The following PHTF1 variants were observed in gnomAD, a reference collection of about 807,000 sequenced individuals.
PHTF1 encodes the protein putative homeodomain transcription factor 1, also known as protein PHTF1.
Under a neutral mutation model 102.4 loss-of-function variants are expected in PHTF1, and 88 were observed. That is an observed-to-expected ratio of 0.86 (90% CI 0.72 to 1.03). The LOEUF (loss-of-function observed/expected upper bound fraction) is 1.03. Ranked by LOEUF, PHTF1 falls within the 50% of genes least tolerant of loss-of-function variation. PHTF1 has a pLI of 0.00. For missense variants in PHTF1, 814 were observed against 909.5 expected (o/e 0.89, Z 1.35); for synonymous variants, 289 against 305.2 (o/e 0.95, Z 0.55).
intron 11 of PHTF1, 32 bp from the exon 12 acceptor site, chr1:113,706,754 C>G (rs1462777081): frequency 6.5e-7 from 1 of 1,539,012 alleles, no homozygotes. Flanking sequence ...TGTTTCTATC[C>G]ATGCCCTCTT....
intron 5 of PHTF1, among the ~76,000 whole-genome samples, chr1:113,731,356 G>A (rs545835146): frequency 6.6e-6 from 1 of 151,492 alleles, no homozygotes; most frequent in African/African-American, 2.4e-5. Flanking sequence ...AATATAGCGA[G>A]AGCCCATCTC....
chr1:113,726,236 A>C (rs1653810913), intron 6 of PHTF1, among the ~76,000 whole-genome samples, 182 bp downstream of exon 6: 1 of 152,184 alleles, frequency 6.6e-6, no homozygotes, highest in Non-Finnish European at 1.5e-5. Flanking sequence ...CTGGAACTAA[A>C]AGTTTGTAAC....
chr1:113,750,597 G>A (rs1008128467), intron 3 of PHTF1, among the ~76,000 whole-genome samples: 5 of 152,032 alleles, frequency 3.3e-5, no homozygotes, highest in African/African-American at 1.2e-4. Flanking sequence ...GGTGGCTCAC[G>A]CCTGTAATCC....
chr1:113,706,851 C>CTTTTTTTT (rs11363653), intron 11 of PHTF1, 129 bp from the exon 12 acceptor site: 389 of 217,504 alleles, frequency 1.8e-3, no homozygotes, highest in African/African-American at 2.3e-3. Flanking sequence ...TTCTTTCTTT[C>CTTTTTTTT]TTTTTTTTTT....
chr1:113,744,315 T>G (rs1656868922), intron 3 of PHTF1, among the ~76,000 whole-genome samples: 1 of 152,216 alleles, frequency 6.6e-6, no homozygotes, highest in African/African-American at 2.4e-5. Context: ...GAGGTATTGA[T>G]GCAATATAAT....
chr1:113,755,250 A>G (rs1327254579), intron 3 of PHTF1, among the ~76,000 whole-genome samples: 1 of 151,880 alleles, frequency 6.6e-6, no homozygotes, highest in African/African-American at 2.4e-5. Context: ...ATTTAGCATT[A>G]ATTTTTTTGT....
rs764538162 is a variant in PHTF1 at position 113,710,297 on chromosome 1, T to G, written c.1226A>C (p.His409Pro). 6.2e-7 allele frequency: 1 copy of G among 1,613,932 alleles called. No homozygotes were observed. Among genetic ancestry groups the G allele is most frequent in the South Asian group, 1.1e-5 (1 of 91,070 alleles). Residue 409 changes from histidine to proline, a missense_variant, in exon 11 of 19, where the codon CAC (histidine) becomes CCC (proline). By Grantham distance (77) the His-to-Pro change is moderately conservative. Transcript: ENST00000369604. The part of the protein sequence containing the change: ...DSEGAHVNTL[H>P]SGTKRDPKED... ...TTTGGGGTCACGTTTGGTCCCTGAG[T>G]GAAGGGTATTCACATGGGCCCCCTC...
intron 17 of PHTF1, chr1:113,698,837 T>C (rs946563703): frequency 6.0e-6 from 1 of 168,008 alleles, no homozygotes; most frequent in Non-Finnish European, 1.3e-5. Context: ...TTAATGTATT[T>C]AAAACAGGTT....
At chr1:113,733,934 A>G (rs1655080633) in intron 5 of PHTF1, among the ~76,000 whole-genome samples, 1 of 152,190 alleles carries the variant, frequency 6.6e-6, no homozygotes, top group Non-Finnish European at 1.5e-5. Context: ...TGCCTTAAAC[A>G]TTTTTAAAAG....
At chr1:113,704,270 T>G (rs1412072892) in intron 14 of PHTF1, 103 bp from the exon 15 acceptor site, 1 of 609,014 alleles carries the variant, frequency 1.6e-6, no homozygotes, top group Non-Finnish European at 2.8e-6. Context: ...GTGAAAATAA[T>G]GTTTATAAGA....
At chr1:113,704,385 G>A (rs554440902) in intron 14 of PHTF1, among the ~76,000 whole-genome samples, 40 of 152,180 alleles carry the variant, frequency 2.6e-4, no homozygotes, top group Non-Finnish European at 4.0e-4. Flanking sequence ...ACATACTTTC[G>A]GCTGGAGTAT....
chr1:113,698,189 G>T, intron 18 of PHTF1, 73 bp downstream of exon 18: 1 of 828,890 alleles, frequency 1.2e-6, no homozygotes, highest in Non-Finnish European at 1.8e-6. Flanking sequence ...ACACACACAC[G>T]TGTGAAGAAC....
chr1:113,711,674 C>T (rs1651109120), intron 10 of PHTF1, 72 bp downstream of exon 10: 2 of 1,150,982 alleles, frequency 1.7e-6, no homozygotes, highest in Admixed American at 1.8e-5. Context: ...TTTAGGGCAA[C>T]CAATAAAAAA....
chr1:113,698,350 A>T lies in PHTF1; in HGVS notation c.2180T>A (p.Met727Lys). The T allele has an allele frequency of 6.2e-7, 1 of 1,610,244 alleles. No individual in the cohort carries two copies. Among genetic ancestry groups the T allele is most frequent in the Non-Finnish European group, 8.5e-7 (1 of 1,176,596 alleles). ...TGTGATATTGTAGATTAAGGGATTC[A>T]TTGTCAGTCCATAGAGTCTAAATGG... ...DTPFRLYGLT[M>K]NPLIYNITRV... is the part of the protein sequence containing the mutation. The change falls in exon 18 of 19, where the codon ATG becomes AAG. Residue 727 changes from methionine to lysine, a missense_variant. Met to Lys is a moderately conservative substitution (Grantham distance 95). Transcript: ENST00000369604.
chr1:113,724,408 G>A (rs1653493925), intron 7 of PHTF1, among the ~76,000 whole-genome samples: 1 of 151,800 alleles, frequency 6.6e-6, no homozygotes, highest in Admixed American at 6.6e-5. Context: ...GTGTGGCGGC[G>A]GGCACCTGTC....
At chr1:113,714,920 GCA>G (rs2101228042) in intron 7 of PHTF1, 1 of 152,484 alleles carries the variant, frequency 6.6e-6, no homozygotes, top group South Asian at 2.1e-4. Context: ...AAGCAGCTCA[GCA>G]CAGAGAGAAA....
intron 7 of PHTF1, among the ~76,000 whole-genome samples, chr1:113,723,461 A>G (rs775242995): frequency 6.6e-6 from 1 of 152,210 alleles, no homozygotes; most frequent in Admixed American, 6.5e-5. Flanking sequence ...TACAGGCATG[A>G]GCCACTGTGC....
chr1:113,722,308 G>A (rs765101647), intron 7 of PHTF1, among the ~76,000 whole-genome samples: 18 of 151,760 alleles, frequency 1.2e-4, no homozygotes, highest in Non-Finnish European at 1.6e-4. Flanking sequence ...GCACGGTGGC[G>A]GGTGCCTGTA....
chr1:113,743,242 C>CT (rs200281144), intron 3 of PHTF1, among the ~76,000 whole-genome samples: 11 of 149,214 alleles, frequency 7.4e-5, no homozygotes, highest in South Asian at 2.1e-4. Context: ...TCTTCATAAG[C>CT]TTTTTTTTTT....
Sources: allele counts gnomAD v4.1 joint callset (sites outside exome capture counted in the v4.1 genomes callset), GRCh38; gene constraint gnomAD v4.1.1; transcripts MANE v1.5; gene names NCBI Gene and HGNC (gene_info 2026-07-23, HGNC 2026-07-21).